The following SCAMP1 variants were observed in gnomAD, a reference collection of about 807,000 sequenced individuals.
SCAMP1 encodes secretory carrier membrane protein 1.
SCAMP1 carries 15 observed loss-of-function variants against 41.8 expected under a neutral mutation model. That is an observed-to-expected ratio of 0.36 (90% confidence interval 0.24 to 0.55). SCAMP1 has a LOEUF of 0.55. SCAMP1 is among the 20% of genes least tolerant of loss of function. SCAMP1 has a pLI of 0.86. For missense variants in SCAMP1, 341 were observed against 412.6 expected, an observed-to-expected ratio of 0.83 and a Z score of 1.50; for synonymous variants, 135 against 136.8, an observed-to-expected ratio of 0.99 and a Z score of 0.09.
intron 7 of SCAMP1, among the ~76,000 whole-genome samples, chr5:78,458,985 G>T (rs80345379): frequency 0.02 from 3,025 of 152,318 alleles, 114 homozygotes; most frequent in African/African-American, 0.068. Flanking sequence ...AGTTTGGTTT[G>T]CTTTTGAATT....
Position 78,418,783 on chromosome 5 carries a change from A to G in SCAMP1, c.352A>G (p.Asn118Asp). Residue 118 changes from asparagine (N) to aspartate (D), a missense_variant, in exon 5 of 9, where the codon AAT becomes GAT. Transcript: ENST00000621999. The part of the protein sequence containing the change: ...MQNLSQHGRK[N>D]NWPPLPSNFP... Reference sequence around the variant, plus strand: ...CTAAAAAAAATTTACAGGTAGAAAAAATAATTGGCCACCTCTTCCTAGCAA... The same window carrying G: ...CTAAAAAAAATTTACAGGTAGAAAAGATAATTGGCCACCTCTTCCTAGCAA... The G allele has an allele frequency of 6.5e-7, 1 of 1,528,754 alleles. No individual in the cohort carries two copies. Among genetic ancestry groups the G allele is most frequent in the Non-Finnish European group, 8.8e-7 (1 of 1,136,326 alleles). The allele number at this position is 1,528,754 out of a possible 1,614,324, so 94.7% of individuals were successfully genotyped here.
chr5:78,438,055 G>A (rs1752808223), intron 6 of SCAMP1, among the ~76,000 whole-genome samples: 1 of 152,086 alleles, frequency 6.6e-6, no homozygotes, highest in South Asian at 2.1e-4. Flanking sequence ...AGGATCGGTG[G>A]TGATACCCCT....
intron 1 of SCAMP1, among the ~76,000 whole-genome samples, chr5:78,371,782 A>C (rs1455245124): frequency 6.6e-6 from 1 of 152,190 alleles, no homozygotes; most frequent in Non-Finnish European, 1.5e-5. Context: ...AAATACTTCC[A>C]TTTATTTTAC....
chr5:78,445,119 G>C (rs1364011040), intron 6 of SCAMP1, among the ~76,000 whole-genome samples: 4 of 152,108 alleles, frequency 2.6e-5, no homozygotes, highest in Non-Finnish European at 4.4e-5. Flanking sequence ...CCAGCAAATG[G>C]TAGTTGTAAT....
intron 7 of SCAMP1, among the ~76,000 whole-genome samples, chr5:78,456,693 G>A (rs1213710049): frequency 6.6e-6 from 1 of 151,068 alleles, no homozygotes; most frequent in Non-Finnish European, 1.5e-5. Context: ...GAGTATCTTT[G>A]TGGTGGTCTC....
intron 4 of SCAMP1, among the ~76,000 whole-genome samples, chr5:78,417,674 A>G (rs532487612): frequency 1.9e-4 from 29 of 152,356 alleles, no homozygotes; most frequent in Non-Finnish European, 3.4e-4. Flanking sequence ...ATGGAAACTA[A>G]GGCTCGGAGG....
At chr5:78,473,510 C>T (rs1365279028) in intron 8 of SCAMP1, among the ~76,000 whole-genome samples, 3 of 152,060 alleles carry the variant, frequency 2.0e-5, no homozygotes, top group African/African-American at 7.2e-5. Flanking sequence ...GATACATGTG[C>T]AGGTTTGTTA....
chr5:78,360,822 G>C, intron 1 of SCAMP1, 94 bp downstream of exon 1: 1 of 1,272,874 alleles, frequency 7.9e-7, no homozygotes, highest in Non-Finnish European at 1.1e-6. Flanking sequence ...CTGCCCCTCG[G>C]CTCCCCTTAG....
At chr5:78,405,077 T>C (rs1751898848) in intron 2 of SCAMP1, among the ~76,000 whole-genome samples, 1 of 152,238 alleles carries the variant, frequency 6.6e-6, no homozygotes, top group South Asian at 2.1e-4. Flanking sequence ...ATTTCTGCAG[T>C]CATGGGTCAG....
rs1331893811 is a variant in SCAMP1 at position 78,475,403 on chromosome 5, A to G, written c.853-101A>G. ...CTTGATCTTAGGAATCATGACTACA[A>G]TCTAGTATTTTTATGTTTGATTAAT... On this transcript the variant is annotated intron_variant, in intron 8 of 8. Coordinates refer to ENST00000621999, the MANE Select transcript of SCAMP1 (RefSeq NM_004866.6). The G allele has an allele frequency of 6.5e-6, 5 of 774,408 alleles. No homozygotes were observed. The Admixed American group carries it at 1.5e-4, about 23-fold the overall frequency. 48.0% of individuals were successfully genotyped at this position (774,408 alleles called of 1,614,324 possible).
chr5:78,363,991 T>A (rs141111797), intron 1 of SCAMP1, among the ~76,000 whole-genome samples: 66 of 152,366 alleles, frequency 4.3e-4, no homozygotes, highest in African/African-American at 1.5e-3. Flanking sequence ...GATCCACTCT[T>A]GAGCTGTTAA....
intron 8 of SCAMP1, among the ~76,000 whole-genome samples, chr5:78,473,999 A>G (rs1165672819): frequency 1.3e-5 from 2 of 152,002 alleles, no homozygotes; most frequent in Non-Finnish European, 2.9e-5. Flanking sequence ...TTCCTGGTTC[A>G]TAGACAGTTT....
chr5:78,441,625 C>T (rs1427636994), intron 6 of SCAMP1, among the ~76,000 whole-genome samples: 1 of 152,094 alleles, frequency 6.6e-6, no homozygotes, highest in Non-Finnish European at 1.5e-5. Context: ...TCCAGCCTGA[C>T]CAATGTGGCA....
chr5:78,420,069 A>G (rs1375484501), intron 5 of SCAMP1, among the ~76,000 whole-genome samples: 3 of 151,818 alleles, frequency 2.0e-5, no homozygotes, highest in Admixed American at 6.6e-5. Context: ...ATTTTATTTT[A>G]TTTTGAGACA....
At chr5:78,418,423 C>T (rs1292866772) in intron 4 of SCAMP1, among the ~76,000 whole-genome samples, 4 of 152,130 alleles carry the variant, frequency 2.6e-5, no homozygotes, top group Admixed American at 2.6e-4. Flanking sequence ...TCATGCCAGC[C>T]AGACTCTTTG....
chr5:78,368,881 A>G (rs1383835058), intron 1 of SCAMP1, among the ~76,000 whole-genome samples: 1 of 152,062 alleles, frequency 6.6e-6, no homozygotes, highest in Non-Finnish European at 1.5e-5. Context: ...AGTTTACTTG[A>G]AGGTAAAGGT....
chr5:78,453,117 T>G (rs1258132650), intron 7 of SCAMP1, among the ~76,000 whole-genome samples: 1 of 150,836 alleles, frequency 6.6e-6, no homozygotes, highest in Non-Finnish European at 1.5e-5. Flanking sequence ...TGCGAAAATT[T>G]TCTCCCATTT....
chr5:78,413,833 A>G (rs1489064931), intron 2 of SCAMP1, among the ~76,000 whole-genome samples: 1 of 152,076 alleles, frequency 6.6e-6, no homozygotes, highest in Non-Finnish European at 1.5e-5. Context: ...AAATCCTGCT[A>G]TATATTGGTG....
chr5:78,468,687 T>G (rs1753801200), intron 8 of SCAMP1, among the ~76,000 whole-genome samples: 1 of 152,144 alleles, frequency 6.6e-6, no homozygotes, highest in African/African-American at 2.4e-5. Context: ...TTTACCTCTT[T>G]AAAAAACAAG....
Sources: allele counts gnomAD v4.1 joint callset (sites outside exome capture counted in the v4.1 genomes callset), GRCh38; gene constraint gnomAD v4.1.1; transcripts MANE v1.5; gene names NCBI Gene and HGNC (gene_info 2026-07-23, HGNC 2026-07-21).